Variants in GRIN2A observed in about 807,000 individuals in gnomAD.
The protein encoded by GRIN2A is glutamate receptor ionotropic, NMDA 2A.
GRIN2A carries 22 observed loss-of-function variants against 113.4 expected under a neutral mutation model. That is an observed-to-expected ratio of 0.19 (90% confidence interval 0.14 to 0.28). The LOEUF (loss-of-function observed/expected upper bound fraction) is 0.28, where lower values mean the gene tolerates loss of function less well. Among genes scored for constraint, GRIN2A ranks in the 10% least tolerant of loss-of-function variants. The pLI, the probability that GRIN2A is intolerant of heterozygous loss-of-function variation, is 1.00. For synonymous variants in GRIN2A, 827 were observed against 738.4 expected, an observed-to-expected ratio of 1.12 and a Z score of -1.94; for missense variants, 1,502 against 1,887.0, an observed-to-expected ratio of 0.80 and a Z score of 3.78.
At chr16:9,810,365 T>C (rs1167356550) in intron 10 of GRIN2A, among the ~76,000 whole-genome samples, 1 of 152,194 alleles carries the variant, frequency 6.6e-6, no homozygotes, top group Non-Finnish European at 1.5e-5. Flanking sequence ...CAGGAGGTGA[T>C]GTTGGGAAAA....
intron 2 of GRIN2A, among the ~76,000 whole-genome samples, chr16:9,961,270 T>C (rs2045437528): frequency 6.6e-6 from 1 of 151,914 alleles, no homozygotes; most frequent in African/African-American, 2.4e-5. Context: ...AATACGCAGC[T>C]ACAACCCAAT....
intron 2 of GRIN2A, among the ~76,000 whole-genome samples, chr16:10,146,754 C>T (rs772821334): frequency 2.6e-5 from 4 of 151,984 alleles, no homozygotes; most frequent in East Asian, 1.9e-4. Context: ...ATGGAATCCA[C>T]GTGTAATAAT....
chr16:9,868,052 T>C lies in GRIN2A; in HGVS notation c.1123-18091A>G, dbSNP rs549880507. ...AACCATGGAAATATCCATTAATTCA[T>C]CTCTCTTCTGCCACCCCCATATATA... On this transcript the variant is annotated intron_variant, in intron 4 of 12. Transcript: ENST00000330684. 2.0e-5 allele frequency among the ~76,000 whole-genome samples: 3 copies of C among 152,308 alleles called. No homozygotes were observed. The East Asian group carries it at 5.8e-4, about 29-fold the overall frequency.
chr16:10,127,869 C>T (rs933436822), intron 2 of GRIN2A, among the ~76,000 whole-genome samples: 3 of 150,044 alleles, frequency 2.0e-5, no homozygotes, highest in African/African-American at 7.4e-5. Context: ...TTACTAAGCC[C>T]TGGGAATGTC....
chr16:10,093,457 T>C (rs1307334448), intron 2 of GRIN2A, among the ~76,000 whole-genome samples: 1 of 152,144 alleles, frequency 6.6e-6, no homozygotes, highest in Non-Finnish European at 1.5e-5. Context: ...TCTAAAAACA[T>C]ACAGTTAATC....
intron 2 of GRIN2A, among the ~76,000 whole-genome samples, chr16:10,058,461 T>A (rs1184255389): frequency 6.6e-6 from 1 of 152,178 alleles, no homozygotes; most frequent in Non-Finnish European, 1.5e-5. Flanking sequence ...TACAATGATT[T>A]CAAAATAATT....
At chr16:10,179,893 C>CCCCAAAACAAAAAAAAAAA in intron 2 of GRIN2A, 105 bp downstream of exon 2, 1 of 719,818 alleles carries the variant, frequency 1.4e-6, no homozygotes, top group Non-Finnish European at 2.4e-6. Flanking sequence ...CCCCCACCCC[C>CCCCAAAACAAAAAAAAAAA]ACTTCACATC....
At chr16:9,941,268 C>A (rs1395327969) in intron 2 of GRIN2A, among the ~76,000 whole-genome samples, 1 of 152,184 alleles carries the variant, frequency 6.6e-6, no homozygotes, top group African/African-American at 2.4e-5. Context: ...TCCTCCAACA[C>A]CCTTGCTCTA....
At chr16:10,039,303 T>C (rs1166326270) in intron 2 of GRIN2A, among the ~76,000 whole-genome samples, 14 of 152,184 alleles carry the variant, frequency 9.2e-5, no homozygotes, top group Admixed American at 8.5e-4. Context: ...CAAAGGCGAA[T>C]GCGAATGTGC....
chr16:10,001,862 C>T (rs529163455), intron 2 of GRIN2A, among the ~76,000 whole-genome samples: 6 of 152,292 alleles, frequency 3.9e-5, no homozygotes, highest in East Asian at 3.9e-4. Context: ...TCCACCACAA[C>T]GGCCTTTGAG....
At chr16:9,847,808 G>A (rs2042802192) in intron 5 of GRIN2A, among the ~76,000 whole-genome samples, 1 of 147,698 alleles carries the variant, frequency 6.8e-6, no homozygotes, top group African/African-American at 2.5e-5. Context: ...TAACAGTAGG[G>A]GCATATTTAT....
intron 2 of GRIN2A, among the ~76,000 whole-genome samples, chr16:10,088,636 C>T (rs1001738812): frequency 6.6e-6 from 1 of 152,210 alleles, no homozygotes; most frequent in Non-Finnish European, 1.5e-5. Flanking sequence ...ATGTTTCCTC[C>T]CTAGAGGAGT....
At chr16:9,845,155 C>G (rs1354608659) in intron 5 of GRIN2A, among the ~76,000 whole-genome samples, 1 of 152,040 alleles carries the variant, frequency 6.6e-6, no homozygotes, top group African/African-American at 2.4e-5. Context: ...CCTCATATCC[C>G]CAAGCGGAAG....
intron 2 of GRIN2A, among the ~76,000 whole-genome samples, chr16:10,073,570 G>A (rs1176003995): frequency 3.3e-5 from 5 of 152,042 alleles, no homozygotes; most frequent in East Asian, 3.8e-4. Flanking sequence ...CTAATCTACC[G>A]TGATGTGTGA....
intron 2 of GRIN2A, among the ~76,000 whole-genome samples, chr16:9,997,860 A>G (rs1051932051): frequency 2.6e-5 from 4 of 152,168 alleles, no homozygotes; most frequent in East Asian, 3.8e-4. Context: ...CATGTAAGAC[A>G]TGCCTTTGTT....
At chr16:10,094,170 C>G (rs1443196481) in intron 2 of GRIN2A, among the ~76,000 whole-genome samples, 1 of 152,136 alleles carries the variant, frequency 6.6e-6, no homozygotes, top group Admixed American at 6.5e-5. Flanking sequence ...TGACTGGGTC[C>G]CTGGTTATAA....
At chr16:9,801,925 G>A (rs1903386380) in intron 10 of GRIN2A, among the ~76,000 whole-genome samples, 1 of 152,138 alleles carries the variant, frequency 6.6e-6, no homozygotes, top group African/African-American at 2.4e-5. Flanking sequence ...AGAGAGCTGG[G>A]GCCTACACAC....
chr16:9,851,757 C>T (rs541219815), intron 4 of GRIN2A, among the ~76,000 whole-genome samples: 2 of 152,258 alleles, frequency 1.3e-5, no homozygotes, highest in East Asian at 3.9e-4. Flanking sequence ...AGTCATTCAA[C>T]CTCTCTGAGC....
intron 2 of GRIN2A, among the ~76,000 whole-genome samples, chr16:10,010,670 C>T (rs140621057): frequency 6.6e-6 from 1 of 152,298 alleles, no homozygotes; most frequent in Non-Finnish European, 1.5e-5. Flanking sequence ...GCAGCATTAA[C>T]AAGTGATGAC....
Sources: gnomAD v4.1 joint callset for allele counts (sites outside exome capture counted in the v4.1 genomes callset) on GRCh38, gnomAD v4.1.1 for gene constraint, MANE v1.5 for transcripts, NCBI Gene and HGNC (gene_info 2026-07-23, HGNC 2026-07-21) for gene names.